Variants in COL4A2 observed in about 807,000 individuals in gnomAD.
The protein encoded by COL4A2 is collagen type IV alpha 2 chain, also known as collagen alpha-2(IV) chain.
A neutral mutation model predicts 200.2 loss-of-function variants in COL4A2; 99 were observed. That is an observed-to-expected ratio of 0.49 (90% confidence interval 0.42 to 0.58). The LOEUF (loss-of-function observed/expected upper bound fraction) is 0.58. Ranked by LOEUF, COL4A2 falls within the 20% of genes least tolerant of loss-of-function variation. The pLI is 0.00. For missense variants in COL4A2, 1,950 were observed against 2,314.1 expected, an observed-to-expected ratio of 0.84 and a Z score of 3.23; for synonymous variants, 897 against 900.6, an observed-to-expected ratio of 1.00 and a Z score of 0.07.
intron 4 of COL4A2, among the ~76,000 whole-genome samples, chr13:110,401,941 A>G (rs999399727): frequency 6.6e-6 from 1 of 152,172 alleles, no homozygotes; most frequent in Non-Finnish European, 1.5e-5. Context: ...ACTCATGAGG[A>G]CATCACTCTA....
At position 110,505,328 on chromosome 13, in the gene COL4A2, G is replaced by C. The variant is rs182140955; in HGVS notation, c.4402+1064G>C. 5.7e-4 allele frequency among the ~76,000 whole-genome samples: 86 copies of C among 152,116 alleles called. 1 individual carries two copies. Among genetic ancestry groups the C allele is most frequent in the South Asian group, 2.3e-3 (11 of 4,816 alleles). ...TCGCGCCACTGCACTCCAGCCTGGGGGACAGAGCGAGACTCCGTCTCAAAA... is the reference window on the plus strand; with the variant it reads ...TCGCGCCACTGCACTCCAGCCTGGGCGACAGAGCGAGACTCCGTCTCAAAA... On this transcript the variant is annotated intron_variant, in intron 45 of 47. Transcript: ENST00000360467.
intron 24 of COL4A2, among the ~76,000 whole-genome samples, chr13:110,464,116 T>A (rs950096118): frequency 2.0e-5 from 3 of 152,130 alleles, no homozygotes; most frequent in African/African-American, 7.2e-5. Context: ...CTGGATTTGT[T>A]ACGGTAGTGG....
chr13:110,474,882 CCA>C (rs1225763562), intron 29 of COL4A2, among the ~76,000 whole-genome samples: 2 of 116,530 alleles, frequency 1.7e-5, no homozygotes, highest in East Asian at 2.8e-4. Flanking sequence ...ACACACGTAC[CCA>C]CACACGTGCC....
At chr13:110,324,471 G>C (rs1219085668) in intron 3 of COL4A2, among the ~76,000 whole-genome samples, 2 of 152,232 alleles carry the variant, frequency 1.3e-5, no homozygotes, top group Non-Finnish European at 2.9e-5. Context: ...CCACAGGGGA[G>C]GGGAGGTCTC....
chr13:110,437,416 G>A (rs1039367815), intron 13 of COL4A2, among the ~76,000 whole-genome samples: 4 of 152,200 alleles, frequency 2.6e-5, no homozygotes, highest in African/African-American at 9.7e-5. Flanking sequence ...ACCCGCAGGG[G>A]CAGTTGTGTC....
At chr13:110,418,373 C>T (rs1483169311) in intron 4 of COL4A2, among the ~76,000 whole-genome samples, 1 of 152,150 alleles carries the variant, frequency 6.6e-6, no homozygotes, top group African/African-American at 2.4e-5. Flanking sequence ...TTAAATCTAG[C>T]TAACTTTTTC....
At chr13:110,412,220 C>T (rs1039944283) in intron 4 of COL4A2, among the ~76,000 whole-genome samples, 2 of 152,212 alleles carry the variant, frequency 1.3e-5, no homozygotes, top group East Asian at 3.8e-4. Context: ...AAATGGAATT[C>T]GATGTGCTCT....
chr13:110,468,207 C>T, intron 27 of COL4A2: 1 of 471,354 alleles, frequency 2.1e-6, no homozygotes. Flanking sequence ...GCCTGGGGAG[C>T]ACAGGACAAA....
chr13:110,446,743 T>A, intron 17 of COL4A2, 55 bp from the exon 18 acceptor site: 1 of 1,507,586 alleles, frequency 6.6e-7, no homozygotes, highest in Non-Finnish European at 9.2e-7. Context: ...ATGTGTACTG[T>A]CAAAAACTCC....
intron 21 of COL4A2, 38 bp from the exon 22 acceptor site, chr13:110,458,733 A>G: frequency 6.2e-7 from 1 of 1,612,504 alleles, no homozygotes; most frequent in South Asian, 1.1e-5. Flanking sequence ...GCTAAGAGGA[A>G]TGCGGAACAA....
At chr13:110,308,935 G>A (rs2391824) in intron 3 of COL4A2, among the ~76,000 whole-genome samples, 49,370 of 152,116 alleles carry the variant, frequency 0.32, 8,491 homozygotes, top group Middle Eastern at 0.47. Context: ...AGCTGAAAGC[G>A]GAGGGAGCTT....
At chr13:110,308,380 T>C (rs1189506812) in intron 3 of COL4A2, among the ~76,000 whole-genome samples, 2 of 152,142 alleles carry the variant, frequency 1.3e-5, no homozygotes, top group African/African-American at 4.8e-5. Context: ...GAACTTAAAA[T>C]GTAGCCTGAG....
At chr13:110,413,861 G>A (rs12867664) in intron 4 of COL4A2, among the ~76,000 whole-genome samples, 6,883 of 152,312 alleles carry the variant, frequency 0.045, 155 homozygotes, top group Middle Eastern at 0.088. Context: ...CTTGGGGAAC[G>A]GTATTGCTGC....
intron 3 of COL4A2, among the ~76,000 whole-genome samples, chr13:110,322,086 T>G (rs376229303): frequency 2.0e-5 from 3 of 152,362 alleles, no homozygotes; most frequent in East Asian, 3.9e-4. Flanking sequence ...ATTTTTAAAC[T>G]CAGTTTTGTT....
intron 4 of COL4A2, among the ~76,000 whole-genome samples, chr13:110,377,326 C>T (rs560653821): frequency 1.2e-4 from 18 of 152,292 alleles, no homozygotes; most frequent in Admixed American, 3.3e-4. Flanking sequence ...CTGTCATTAT[C>T]GGCTCATCTG....
rs530241081 is a variant in COL4A2, at chr13:110,401,496, CTTACTT to C, written c.181-23234_181-23229del. Among the ~76,000 whole-genome samples the C allele has an allele frequency of 7.3e-3, 1,106 of 152,296 alleles. 11 individuals are homozygous for C. Among genetic ancestry groups the C allele is most frequent in the Middle Eastern group, 0.065 (19 of 294 alleles). On this transcript the variant is annotated intron_variant, in intron 4 of 47. Coordinates refer to ENST00000360467, the MANE Select transcript of COL4A2 (RefSeq NM_001846.4). ...CCCAGGGGAACTAAAACAAACAAAACTTACTTTTAAAAAGCTTCTTCAAAGTTCTCA... is the reference window on the plus strand; with the variant it reads ...CCCAGGGGAACTAAAACAAACAAAACTTAAAAAGCTTCTTCAAAGTTCTCA...
At chr13:110,387,587 G>C (rs1878811558) in intron 4 of COL4A2, among the ~76,000 whole-genome samples, 1 of 152,248 alleles carries the variant, frequency 6.6e-6, no homozygotes, top group Non-Finnish European at 1.5e-5. Context: ...CCCCGAGCTG[G>C]GGAGGAACGC....
intron 39 of COL4A2, 56 bp downstream of exon 39, chr13:110,493,338 T>C: frequency 6.3e-7 from 1 of 1,576,108 alleles, no homozygotes; most frequent in Non-Finnish European, 8.7e-7. Context: ...GGGTGGGGAC[T>C]CTGTGCTGAG....
At chr13:110,426,253 CATT>C (rs1305305901) in intron 6 of COL4A2, among the ~76,000 whole-genome samples, 1 of 152,176 alleles carries the variant, frequency 6.6e-6, no homozygotes, top group Non-Finnish European at 1.5e-5. Flanking sequence ...AATGGAATGA[CATT>C]ATGGAAAGCA....
Sources: allele counts gnomAD v4.1 joint callset (sites outside exome capture counted in the v4.1 genomes callset), GRCh38; gene constraint gnomAD v4.1.1; transcripts MANE v1.5; gene names NCBI Gene and HGNC (gene_info 2026-07-23, HGNC 2026-07-21).